Variants in POC1A observed in about 807,000 individuals in gnomAD.
POC1A encodes the protein POC1 centriolar protein homolog A.
Under a neutral mutation model 47.8 loss-of-function variants are expected in POC1A, and 34 were observed. That is an observed-to-expected ratio of 0.71 (90% CI 0.54 to 0.95). POC1A has a LOEUF of 0.95. Among genes scored for constraint, POC1A ranks in the 40% least tolerant of loss-of-function variants. POC1A has a pLI of 0.00. For synonymous variants in POC1A, 177 were observed against 207.6 expected, an observed-to-expected ratio of 0.85 and a Z score of 1.27; for missense variants, 466 against 528.3, an observed-to-expected ratio of 0.88 and a Z score of 1.16.
At chr3:52,122,099 G>A (rs900362558) in intron 9 of POC1A, among the ~76,000 whole-genome samples, 34 of 152,192 alleles carry the variant, frequency 2.2e-4, no homozygotes, top group Admixed American at 2.2e-3. Context: ...CAATCAAACA[G>A]CACCATATGC....
chr3:52,125,772 C>T (rs1703974168), intron 7 of POC1A, among the ~76,000 whole-genome samples: 1 of 152,196 alleles, frequency 6.6e-6, no homozygotes. Context: ...ATTCACTTTT[C>T]TTATGTTCAG....
At chr3:52,083,584 C>G (rs1028436566) in intron 10 of POC1A, among the ~76,000 whole-genome samples, 2 of 152,184 alleles carry the variant, frequency 1.3e-5, no homozygotes, top group African/African-American at 4.8e-5. Context: ...TTGTCCTGCA[C>G]TTTTTTCTTA....
chr3:52,148,268 G>A (rs1042130848), intron 4 of POC1A, among the ~76,000 whole-genome samples: 5 of 152,198 alleles, frequency 3.3e-5, no homozygotes, highest in African/African-American at 9.6e-5. Context: ...TGCTGGCCTG[G>A]CCCCTCCTGA....
intron 7 of POC1A, among the ~76,000 whole-genome samples, chr3:52,131,712 C>T (rs1463698357): frequency 1.3e-5 from 2 of 152,176 alleles, no homozygotes; most frequent in Non-Finnish European, 2.9e-5. Flanking sequence ...GTCTCCCCAG[C>T]CCCCAACCAG....
intron 9 of POC1A, among the ~76,000 whole-genome samples, chr3:52,101,477 A>G (rs1006985728): frequency 6.6e-6 from 1 of 152,220 alleles, no homozygotes; most frequent in African/African-American, 2.4e-5. Context: ...TATGAGATAC[A>G]AAATTTAAAA....
chr3:52,118,512 G>T (rs1159934948), intron 9 of POC1A, among the ~76,000 whole-genome samples: 1 of 152,224 alleles, frequency 6.6e-6, no homozygotes, highest in Non-Finnish European at 1.5e-5. Flanking sequence ...AGATCTGAGA[G>T]CTGAAGTACT....
intron 2 of POC1A, among the ~76,000 whole-genome samples, chr3:52,150,643 T>C (rs530044047): frequency 2.0e-4 from 30 of 152,022 alleles, no homozygotes; most frequent in Non-Finnish European, 2.9e-5. Flanking sequence ...TTCAACAAGG[T>C]GTGCCTTATT....
chr3:52,142,470 A>G (rs1577914119), intron 6 of POC1A, among the ~76,000 whole-genome samples: 1 of 152,214 alleles, frequency 6.6e-6, no homozygotes, highest in Non-Finnish European at 1.5e-5. Context: ...CAAAGCCCCA[A>G]GTGGGCTTCA....
chr3:52,103,786 G>A (rs925999374), intron 9 of POC1A, among the ~76,000 whole-genome samples: 9 of 151,846 alleles, frequency 5.9e-5, no homozygotes, highest in Admixed American at 2.0e-4. Flanking sequence ...AAACCACAGC[G>A]ACATACAACT....
Position 52,154,346 on chromosome 3 carries a change from T to G in POC1A, c.18+9A>C. 1 of 1,555,810 alleles carries G rather than the reference T, an allele frequency of 6.4e-7. No individual in the cohort carries two copies. The highest frequency in any genetic ancestry group is 8.7e-7 in the Non-Finnish European group (1 of 1,155,226). On this transcript the variant is annotated intron_variant, in intron 1 of 10. Coordinates refer to ENST00000296484, the MANE Select transcript of POC1A (RefSeq NM_015426.5). ...TGAGGCCTGGGGAGTTGCTCTCGGC[T>G]GGGCTTACCGCGCAGGGCGCAGCCA...
At chr3:52,113,906 C>A (rs1025319737) in intron 9 of POC1A, among the ~76,000 whole-genome samples, 2 of 152,242 alleles carry the variant, frequency 1.3e-5, no homozygotes, top group Non-Finnish European at 2.9e-5. Flanking sequence ...GAGGCCTCTG[C>A]CACCCAAAGC....
chr3:52,089,823 G>C (rs1318286845), intron 10 of POC1A, among the ~76,000 whole-genome samples: 1 of 152,172 alleles, frequency 6.6e-6, no homozygotes, highest in African/African-American at 2.4e-5. Flanking sequence ...TCCCAGGAAA[G>C]AGGGATACAG....
chr3:52,154,411 T>A lies in POC1A; in HGVS notation c.-39A>T, dbSNP rs1698662528. The A allele has an allele frequency of 7.0e-7, 1 of 1,421,202 alleles. No individual in the cohort carries two copies. The highest frequency in any genetic ancestry group is 9.1e-7 in the Non-Finnish European group (1 of 1,093,084). 88.0% of individuals were successfully genotyped at this position (1,421,202 alleles called of 1,614,324 possible). A position where few individuals can be genotyped will look rare whatever the true frequency, so the allele number is the denominator to read the frequency against. On this transcript the variant is annotated 5_prime_UTR_variant, in exon 1 of 11. Transcript: ENST00000296484. Reference sequence around the variant, plus strand: ...GCGCCGAAGGCAGCTGCGGTGGCCGTTGCGGCCCGTTCAGTTTCCGCGCCC... The same window carrying A: ...GCGCCGAAGGCAGCTGCGGTGGCCGATGCGGCCCGTTCAGTTTCCGCGCCC...
intron 9 of POC1A, among the ~76,000 whole-genome samples, chr3:52,102,507 CTAAGGATACT>C (rs1703035907): frequency 6.6e-6 from 1 of 152,204 alleles, no homozygotes; most frequent in Non-Finnish European, 1.5e-5. Context: ...TGTGGCTCTT[CTAAGGATACT>C]TGTCATTCAA....
intron 9 of POC1A, among the ~76,000 whole-genome samples, chr3:52,099,041 C>T (rs139232798): frequency 6.6e-6 from 1 of 152,332 alleles, no homozygotes; most frequent in African/African-American, 2.4e-5. Context: ...TGCAGCTGGG[C>T]TTCCATGTGC....
intron 7 of POC1A, among the ~76,000 whole-genome samples, chr3:52,136,333 C>T (rs1260541934): frequency 6.6e-6 from 1 of 152,162 alleles, no homozygotes; most frequent in Non-Finnish European, 1.5e-5. Flanking sequence ...CCCACCTTCA[C>T]CTGCCCTCCA....
intron 9 of POC1A, among the ~76,000 whole-genome samples, chr3:52,106,350 G>A (rs968650303): frequency 3.3e-5 from 5 of 152,082 alleles, no homozygotes; most frequent in African/African-American, 1.2e-4. Context: ...CCAACATGGT[G>A]TCCTTTGGAT....
chr3:52,149,793 C>T, intron 3 of POC1A, 23 bp downstream of exon 3: 1 of 1,602,570 alleles, frequency 6.2e-7, no homozygotes, highest in Admixed American at 1.7e-5. Flanking sequence ...CTCCAACAAG[C>T]CTCCTCAAAG....
chr3:52,117,709 C>T (rs971615899), intron 9 of POC1A, among the ~76,000 whole-genome samples: 1 of 151,946 alleles, frequency 6.6e-6, no homozygotes, highest in African/African-American at 2.4e-5. Context: ...TTTTTCCTCC[C>T]GTTTCACTGA....
Sources: allele counts gnomAD v4.1 joint callset (sites outside exome capture counted in the v4.1 genomes callset), GRCh38; gene constraint gnomAD v4.1.1; transcripts MANE v1.5; gene names NCBI Gene and HGNC (gene_info 2026-07-23, HGNC 2026-07-21).